Variants in MYO3A observed in about 807,000 individuals in gnomAD.
The protein encoded by MYO3A is myosin-IIIa.
Under a neutral mutation model 192.7 loss-of-function variants are expected in MYO3A, and 180 were observed. That is an observed-to-expected ratio of 0.93 (90% CI 0.83 to 1.06). MYO3A has a LOEUF of 1.06. Ranked by LOEUF, MYO3A falls within the 50% of genes least tolerant of loss-of-function variation. The pLI, the probability that MYO3A is intolerant of heterozygous loss-of-function variation, is 0.00. For missense variants in MYO3A, 1,896 were observed against 1,905.0 expected (o/e 1.00, Z 0.09); for synonymous variants, 628 against 645.3 (o/e 0.97, Z 0.41).
At chr10:25,971,188 G>A (rs12265482) in intron 4 of MYO3A, among the ~76,000 whole-genome samples, 3,867 of 152,120 alleles carry the variant, frequency 0.025, 186 homozygotes, top group African/African-American at 0.087. Flanking sequence ...AATGTTTCCA[G>A]TTCTTTTAGT....
intron 4 of MYO3A, among the ~76,000 whole-genome samples, chr10:25,976,801 TC>T (rs1838990255): frequency 1.3e-5 from 2 of 152,112 alleles, no homozygotes; most frequent in Non-Finnish European, 2.9e-5. Flanking sequence ...TATTATAAAA[TC>T]CCCCTTTTAG....
intron 17 of MYO3A, among the ~76,000 whole-genome samples, chr10:26,112,344 G>A (rs146824560): frequency 6.6e-6 from 1 of 152,162 alleles, no homozygotes; most frequent in African/African-American, 2.4e-5. Flanking sequence ...TCTAACAGCA[G>A]AAACTGTCCC....
chr10:26,080,540 T>G (rs1356404550), intron 14 of MYO3A, among the ~76,000 whole-genome samples: 16 of 149,492 alleles, frequency 1.1e-4, no homozygotes, highest in Admixed American at 9.3e-4. Flanking sequence ...ATCTGGGTTT[T>G]TTTTTTTTTT....
At chr10:26,081,109 A>G (rs1240019023) in intron 14 of MYO3A, among the ~76,000 whole-genome samples, 2 of 141,266 alleles carry the variant, frequency 1.4e-5, no homozygotes, top group African/African-American at 2.6e-5. Context: ...GTGGGGCCCT[A>G]GAATTCCCAA....
At chr10:26,158,573 T>A (rs1474782936) in intron 26 of MYO3A, among the ~76,000 whole-genome samples, 1 of 152,112 alleles carries the variant, frequency 6.6e-6, no homozygotes, top group Non-Finnish European at 1.5e-5. Context: ...CCTTTTAATA[T>A]TTGAGATTAA....
At chr10:25,953,098 A>G (rs1837309328) in intron 3 of MYO3A, among the ~76,000 whole-genome samples, 1 of 151,918 alleles carries the variant, frequency 6.6e-6, no homozygotes, top group African/African-American at 2.4e-5. Context: ...TATTGAAAGC[A>G]ACTGCTCCAA....
At chr10:26,061,566 T>TTGGAAAGGTTGTTTAAGGCAAGATTG (rs1304093176) in intron 10 of MYO3A, among the ~76,000 whole-genome samples, 56 of 151,912 alleles carry the variant, frequency 3.7e-4, no homozygotes, top group Middle Eastern at 3.4e-3. Flanking sequence ...GAGAATAATG[T>TTGGAAAGGTTGTTTAAGGCAAGATTG]TGGAAAGGTT....
intron 26 of MYO3A, among the ~76,000 whole-genome samples, chr10:26,165,380 C>A (rs201390558): frequency 6.6e-6 from 1 of 152,118 alleles, no homozygotes; most frequent in East Asian, 1.9e-4. Flanking sequence ...GGAAATCTGT[C>A]TTTTTGCACA....
chr10:26,142,622 G>A (rs1840227898), intron 20 of MYO3A, among the ~76,000 whole-genome samples: 1 of 152,182 alleles, frequency 6.6e-6, no homozygotes, highest in Admixed American at 6.5e-5. Flanking sequence ...GAAAATAGAT[G>A]TTTATAGAGT....
chr10:26,038,907 A>G (rs1433531736), intron 10 of MYO3A, among the ~76,000 whole-genome samples: 1 of 152,128 alleles, frequency 6.6e-6, no homozygotes, highest in Non-Finnish European at 1.5e-5. Context: ...TTAATTTTTC[A>G]CATGGTTTTT....
intron 6 of MYO3A, among the ~76,000 whole-genome samples, chr10:26,002,139 T>G: frequency 6.6e-6 from 1 of 152,218 alleles, no homozygotes; most frequent in East Asian, 1.9e-4. Flanking sequence ...ATAATAGTTA[T>G]AGTAAAAACG....
rs746688674 is a variant in MYO3A, at chr10:25,996,595, G to A, written c.408+1G>A. The A allele has an allele frequency of 6.2e-7, 1 of 1,607,178 alleles. No individual in the cohort carries two copies. The highest frequency in any genetic ancestry group is 1.7e-5 in the Admixed American group (1 of 59,996). On this transcript the variant is annotated splice_donor_variant, in intron 5 of 34. Coordinates refer to ENST00000642920, the MANE Select transcript of MYO3A (RefSeq NM_017433.5). LOFTEE classifies it high-confidence loss of function. ...CTATATTTTACATGAAGCACTAATG[G>A]TAAGGCAATTTAAATTGTATGTGCA...
chr10:26,150,628 A>G (rs1466789033), intron 23 of MYO3A, among the ~76,000 whole-genome samples: 1 of 152,218 alleles, frequency 6.6e-6, no homozygotes. Context: ...TTTTCTTACT[A>G]TCCTTTTAGT....
chr10:26,026,401 G>A lies in MYO3A; in HGVS notation c.822G>A (p.Lys274=). 6.2e-7 allele frequency: 1 copy of A among 1,614,078 alleles called. No homozygotes were observed. Among genetic ancestry groups the A allele is most frequent in the Non-Finnish European group, 8.5e-7 (1 of 1,179,992 alleles). ...ISKCLTKDYE[K]RPTVSELLQH... ...GGTGCTTGACTAAAGATTATGAAAAGCGTCCAACAGTGTCAGAACTTTTAC... is the reference window on the plus strand; with the variant it reads ...GGTGCTTGACTAAAGATTATGAAAAACGTCCAACAGTGTCAGAACTTTTAC... Residue 274 remains lysine (K), a synonymous_variant, in exon 10 of 35, where the codon AAG becomes AAA. Coordinates refer to ENST00000642920, the MANE Select transcript of MYO3A (RefSeq NM_017433.5).
At chr10:26,190,748 T>C (rs1167281765) in intron 31 of MYO3A, among the ~76,000 whole-genome samples, 1 of 152,226 alleles carries the variant, frequency 6.6e-6, no homozygotes, top group Non-Finnish European at 1.5e-5. Context: ...AAAGGACCTT[T>C]GGATTTGTTG....
At chr10:26,090,223 T>C (rs915871170) in intron 15 of MYO3A, among the ~76,000 whole-genome samples, 6 of 152,222 alleles carry the variant, frequency 3.9e-5, no homozygotes, top group African/African-American at 1.4e-4. Context: ...TCAAGGGATA[T>C]AATTCACGGT....
intron 6 of MYO3A, among the ~76,000 whole-genome samples, chr10:26,003,570 T>C (rs141818346): frequency 1.2e-3 from 184 of 152,246 alleles, no homozygotes; most frequent in African/African-American, 4.1e-3. Context: ...AGGTTATAAA[T>C]ATTATTAATG....
intron 20 of MYO3A, among the ~76,000 whole-genome samples, chr10:26,137,212 A>C (rs1461937931): frequency 2.6e-5 from 4 of 152,224 alleles, no homozygotes; most frequent in Non-Finnish European, 5.9e-5. Flanking sequence ...AGGTTATTCT[A>C]TATTTTAAAT....
chr10:26,005,658 TTTCTC>T (rs1224409111), intron 6 of MYO3A, among the ~76,000 whole-genome samples: 1 of 152,146 alleles, frequency 6.6e-6, no homozygotes, highest in African/African-American at 2.4e-5. Flanking sequence ...CTTGCCAACT[TTTCTC>T]TAAGGTTGAA....
Sources: gnomAD v4.1 joint callset for allele counts (sites outside exome capture counted in the v4.1 genomes callset) on GRCh38, gnomAD v4.1.1 for gene constraint, MANE v1.5 for transcripts, NCBI Gene and HGNC (gene_info 2026-07-23, HGNC 2026-07-21) for gene names.